The following ECSCR variants were observed in gnomAD, a reference collection of about 807,000 sequenced individuals.
The protein encoded by ECSCR is endothelial cell surface expressed chemotaxis and apoptosis regulator, also known as endothelial cell-specific chemotaxis regulator.
ECSCR carries 12 observed loss-of-function variants against 16.7 expected under a neutral mutation model. The observed-to-expected ratio is 0.72, with a 90% CI of 0.46 to 1.17. The LOEUF (loss-of-function observed/expected upper bound fraction) is 1.17, where lower values mean the gene tolerates loss of function less well. ECSCR is among the 50% of genes most tolerant of loss of function. The pLI is 0.00. For synonymous variants in ECSCR, 44 were observed against 42.2 expected, an observed-to-expected ratio of 1.04 and a Z score of -0.17; for missense variants, 122 against 116.1, an observed-to-expected ratio of 1.05 and a Z score of -0.23.
chr5:139,457,900 C>G (rs1303403237), intron 2 of ECSCR, 93 bp from the exon 3 acceptor site: 8 of 1,370,586 alleles, frequency 5.8e-6, no homozygotes, highest in Non-Finnish European at 8.1e-6. Context: ...TTTCTCCCTA[C>G]CCCATCCCCC....
intron 7 of ECSCR, 89 bp from the exon 8 acceptor site, chr5:139,454,727 G>T: frequency 2.5e-6 from 1 of 398,382 alleles, no homozygotes. Context: ...GGGACCCTCC[G>T]GCTCATGGAG....
chr5:139,458,290 G>C, intron 1 of ECSCR, 107 bp from the exon 2 acceptor site: 6 of 1,001,734 alleles, frequency 6.0e-6, no homozygotes, highest in Non-Finnish European at 7.3e-6. Context: ...AACATAGCAA[G>C]ACCCTGTCTC....
In ECSCR at chr5:139,462,651, A is replaced by G. The variant is rs1349016050; in HGVS notation, c.20T>C (p.Met7Thr). 3.2e-6 allele frequency: 5 copies of G among 1,557,810 alleles called. No individual in the cohort carries two copies. Among genetic ancestry groups the G allele is most frequent in the East Asian group, 2.4e-5 (1 of 41,274 alleles). The change falls in exon 1 of 10, where the codon ATG (methionine) becomes ACG (threonine). Residue 7 changes from methionine to threonine, a missense_variant. Transcript: ENST00000618155. ...GCCCAGGATCACCCAGCACAGCTGC[A>G]TGGCTCCTGCGGTGCCCATGTCAGC... MGTAGA[M>T]QLCWVILGFL...
At position 139,458,489 on chromosome 5, in the gene ECSCR, C is replaced by T. The variant is rs190762311; in HGVS notation, c.62-306G>A. ...CTCCAGCCTGGGCAACAGGTGGAGA[C>T]CCTATCTCAACAAAAAAAAAAAAAA... On this transcript the variant is annotated intron_variant, in intron 1 of 9. Coordinates refer to ENST00000618155, the MANE Select transcript of ECSCR (RefSeq NM_001077693.4). Among the ~76,000 whole-genome samples, 623 of 93,638 alleles carry T rather than the reference C, an allele frequency of 6.7e-3. 1 individual carries two copies. The highest frequency in any genetic ancestry group is 0.031 in the African/African-American group (566 of 18,232). 61.4% of individuals were successfully genotyped at this position (93,638 alleles called of 152,430 possible).
At chr5:139,458,205 A>G in intron 1 of ECSCR, 22 bp from the exon 2 acceptor site, 1 of 1,549,376 alleles carries the variant, frequency 6.5e-7, no homozygotes, top group Non-Finnish European at 8.7e-7. Context: ...AGCAAAACAC[A>G]TAGCTTGGTA....
chr5:139,451,930 TTG>T (rs1751060787), intron 8 of ECSCR, among the ~76,000 whole-genome samples: 1 of 144,046 alleles, frequency 6.9e-6, no homozygotes, highest in African/African-American at 2.6e-5. Context: ...ATGGGGCATG[TTG>T]TGTGTTTATG....
At chr5:139,451,218 T>G in intron 8 of ECSCR, among the ~76,000 whole-genome samples, 1 of 138,382 alleles carries the variant, frequency 7.2e-6, no homozygotes, top group African/African-American at 2.7e-5. Context: ...TGGTATGGGG[T>G]GTGTGTGTGG....
chr5:139,461,646 G>A (rs2152090482), intron 1 of ECSCR, among the ~76,000 whole-genome samples: 1 of 152,302 alleles, frequency 6.6e-6, no homozygotes, highest in African/African-American at 2.4e-5. Context: ...CATGGAGGGG[G>A]TAGGAGGGGA....
At chr5:139,462,370 T>C (rs1751323600) in intron 1 of ECSCR, among the ~76,000 whole-genome samples, 1 of 152,188 alleles carries the variant, frequency 6.6e-6, no homozygotes, top group African/African-American at 2.4e-5. Flanking sequence ...GGCCAGCCTT[T>C]ATGGGGAGCC....
intron 8 of ECSCR, among the ~76,000 whole-genome samples, chr5:139,451,900 G>C (rs1385877442): frequency 7.0e-6 from 1 of 143,684 alleles, no homozygotes; most frequent in Non-Finnish European, 1.5e-5. Context: ...GTGTGTGTTT[G>C]TGCTGTGGAT....
chr5:139,455,208 C>T, intron 6 of ECSCR, 115 bp downstream of exon 6: 2 of 396,652 alleles, frequency 5.0e-6, no homozygotes, highest in South Asian at 2.8e-4. Flanking sequence ...CCTTATCAGC[C>T]AGAACCTCCT....
At chr5:139,462,547 C>G (rs754648342) in intron 1 of ECSCR, 63 bp downstream of exon 1, 1 of 1,484,442 alleles carries the variant, frequency 6.7e-7, no homozygotes, top group East Asian at 2.4e-5. Flanking sequence ...AGAAAGAGAC[C>G]GATGCCTAGA....
intron 8 of ECSCR, among the ~76,000 whole-genome samples, chr5:139,451,988 T>C (rs1377917792): frequency 6.9e-6 from 1 of 145,046 alleles, no homozygotes; most frequent in Non-Finnish European, 1.5e-5. Context: ...GTGTGGTGCA[T>C]GGGGTGTATG....
intron 1 of ECSCR, 127 bp from the exon 2 acceptor site, chr5:139,458,310 A>AG: frequency 1.1e-6 from 1 of 883,450 alleles, no homozygotes; most frequent in Non-Finnish European, 1.7e-6. Flanking sequence ...CTAAAAAAAA[A>AG]TTTTGTTTTG....
chr5:139,452,239 T>C (rs1429909904), intron 8 of ECSCR, among the ~76,000 whole-genome samples: 5 of 137,036 alleles, frequency 3.6e-5, no homozygotes, highest in Admixed American at 7.2e-5. Context: ...TGTGTGTGTA[T>C]GATGTGTGGG....
rs530387822 is a variant in ECSCR at position 139,459,929 on chromosome 5, G to A, written c.62-1746C>T. Among the ~76,000 whole-genome samples, 11 of 152,328 alleles carry A rather than the reference G, an allele frequency of 7.2e-5. No individual in the cohort carries two copies. The South Asian group carries it at 2.3e-3, about 32-fold the overall frequency. On this transcript the variant is annotated intron_variant, in intron 1 of 9. Transcript: ENST00000618155. ...GTAAAATTACCAAACCCTGGGCCAT[G>A]TTTTTCTAGATCACCATTTCTGAGA...
chr5:139,462,511 C>T, intron 1 of ECSCR, 99 bp downstream of exon 1: 1 of 1,255,902 alleles, frequency 8.0e-7, no homozygotes, highest in Middle Eastern at 1.9e-4. Flanking sequence ...GGGCACAGCC[C>T]CTGGATGGAA....
chr5:139,458,068 A>G, intron 2 of ECSCR, 71 bp downstream of exon 2: 1 of 1,483,708 alleles, frequency 6.7e-7, no homozygotes, highest in African/African-American at 1.4e-5. Context: ...CTAAATTGGC[A>G]TAGAGCTCCT....
At position 139,454,636 on chromosome 5, in the gene ECSCR, G is replaced by A; in HGVS notation, c.478C>T (p.Pro160Ser). The change falls in exon 8 of 10, where the codon CCC becomes TCC. Residue 160 changes from proline (P) to serine (S), a missense_variant and splice_region_variant. Transcript: ENST00000618155. ...AGCCCTGAACTCCCAGGTTTCTGGG[G>A]ATCTGTAAAAAGCCAAAGGCACAGG... is the stretch of plus-strand genomic sequence containing the variant. Reference protein sequence around the residue: ...KCRKSKESEDPQKPGSSGLSE... With the variant: ...KCRKSKESEDSQKPGSSGLSE... 1 of 398,268 alleles carries A rather than the reference G, an allele frequency of 2.5e-6. No individual in the cohort carries two copies. Among genetic ancestry groups the A allele is most frequent in the Non-Finnish European group, 4.4e-6 (1 of 225,918 alleles). The allele number at this position is 398,268 out of a possible 1,614,324, so 24.7% of individuals were successfully genotyped here.
Sources: gnomAD v4.1 joint callset for allele counts (sites outside exome capture counted in the v4.1 genomes callset) on GRCh38, gnomAD v4.1.1 for gene constraint, MANE v1.5 for transcripts, NCBI Gene and HGNC (gene_info 2026-07-23, HGNC 2026-07-21) for gene names.